The following ANKRD36 variants were observed in gnomAD, a reference collection of about 807,000 sequenced individuals.
ANKRD36 encodes the protein ankyrin repeat domain-containing protein 36A.
In ANKRD36, 179 loss-of-function variants were observed where a neutral mutation model predicts 278.1. That is an observed-to-expected ratio of 0.64 (90% CI 0.57 to 0.73). The LOEUF is 0.73. Among genes scored for constraint, ANKRD36 ranks in the 30% least tolerant of loss-of-function variants. ANKRD36 has a pLI of 0.00. For missense variants in ANKRD36, 1,159 were observed against 1,956.7 expected (o/e 0.59, Z 7.69); for synonymous variants, 320 against 641.1 (o/e 0.50, Z 7.57).
chr2:97,149,347 T>G lies in ANKRD36; in HGVS notation c.1087T>G (p.Ser363Ala), dbSNP rs201841591. 22 of 1,533,462 alleles carry G rather than the reference T, an allele frequency of 1.4e-5. No homozygotes were observed. The highest frequency in any genetic ancestry group is 4.9e-5 in the East Asian group (2 of 40,456). The allele number at this position is 1,533,462 out of a possible 1,614,324, so 95.0% of individuals were successfully genotyped here. The stretch of plus-strand genomic sequence containing the variant: ...ACAGCCTGTGACAGAGAATGAGTTT[T>G]CTTTGGAATCTGAGGTAGAGTACTC... ...VAQPVTENEF[S>A]LESEIISKLY... The change falls in exon 12 of 76, where the codon TCT becomes GCT. Residue 363 changes from serine to alanine, a missense_variant. Coordinates refer to ENST00000420699, the MANE Select transcript of ANKRD36 (RefSeq NM_001354587.1).
chr2:97,216,322 C>T (rs1157462892), intron 62 of ANKRD36, among the ~76,000 whole-genome samples: 1 of 151,828 alleles, frequency 6.6e-6, no homozygotes, highest in African/African-American at 2.4e-5. Context: ...ATACTCCCAA[C>T]AAGACTATTA....
rs541487470 is a variant in ANKRD36 at position 97,207,431 on chromosome 2, C to T, written c.3164-380C>T. ...TAATGGTGTAAATCCTTTTTATTTC[C>T]TGCATGAAAGACATGTGGGATCATG... On this transcript the variant is annotated intron_variant, in intron 52 of 75. Transcript: ENST00000420699. Among the ~76,000 whole-genome samples, 651 of 151,012 alleles carry T rather than the reference C, an allele frequency of 4.3e-3. 6 individuals carry two copies. The highest frequency in any genetic ancestry group is 0.015 in the African/African-American group (617 of 41,350).
At chr2:97,203,649 T>A (rs2062002818) in intron 48 of ANKRD36, among the ~76,000 whole-genome samples, 1 of 151,812 alleles carries the variant, frequency 6.6e-6, no homozygotes, top group Non-Finnish European at 1.5e-5. Flanking sequence ...AAGAGCATGA[T>A]GAATGTTTGT....
chr2:97,177,575 G>C (rs1033614535), intron 22 of ANKRD36, among the ~76,000 whole-genome samples: 1 of 151,914 alleles, frequency 6.6e-6, no homozygotes, highest in Non-Finnish European at 1.5e-5. Context: ...CAAGCAATGG[G>C]GAAAGGATTC....
intron 16 of ANKRD36, among the ~76,000 whole-genome samples, 173 bp from the exon 17 acceptor site, chr2:97,158,415 T>C (rs1488304893): frequency 6.6e-6 from 1 of 151,972 alleles, no homozygotes; most frequent in Admixed American, 6.6e-5. Flanking sequence ...TTGGTAGAGA[T>C]GGAGTTTCAC....
intron 40 of ANKRD36, among the ~76,000 whole-genome samples, chr2:97,195,775 A>T (rs2059588991): frequency 6.6e-6 from 1 of 151,958 alleles, no homozygotes. Flanking sequence ...TTGCATTCCA[A>T]TTAAGTCCTA....
chr2:97,156,654 TATTG>T (rs1388494078), intron 15 of ANKRD36, among the ~76,000 whole-genome samples: 8 of 137,998 alleles, frequency 5.8e-5, no homozygotes, highest in Non-Finnish European at 1.3e-4. Context: ...AAGTCTTTGC[TATTG>T]TGAATAGTGC....
intron 30 of ANKRD36, 45 bp from the exon 31 acceptor site, chr2:97,187,153 A>T (rs761031337): frequency 1.2e-6 from 2 of 1,607,124 alleles, no homozygotes; most frequent in Admixed American, 3.4e-5. Context: ...TGGAAAATGT[A>T]TCATATTTAC....
At chr2:97,195,487 A>G (rs1243291289) in intron 40 of ANKRD36, among the ~76,000 whole-genome samples, 3 of 152,012 alleles carry the variant, frequency 2.0e-5, no homozygotes, top group Admixed American at 6.6e-5. Context: ...TGCATAAACA[A>G]TATTTGATTT....
In ANKRD36 at chr2:97,217,234, T is replaced by G. The variant is rs569215566; in HGVS notation, c.3702+29T>G. On this transcript the variant is annotated intron_variant, in intron 63 of 75. Transcript: ENST00000420699. ...GTTACTCTTTCATTTATATTTTGAA[T>G]TATTTATTGCATAGCCTATGAAATA... 8.7e-5 allele frequency: 134 copies of G among 1,548,700 alleles called. 1 individual carries two copies. The African/African-American group carries it at 1.7e-3, about 20-fold the overall frequency.
intron 28 of ANKRD36, 110 bp downstream of exon 28, chr2:97,183,764 A>G: frequency 7.2e-7 from 1 of 1,379,754 alleles, no homozygotes; most frequent in African/African-American, 1.5e-5. Flanking sequence ...CTGATTCAGC[A>G]GGCCTGAGAT....
rs765953156 is a variant in ANKRD36, at chr2:97,196,626, T to C, written c.2580+5T>C. On this transcript the variant is annotated splice_donor_5th_base_variant and intron_variant, in intron 41 of 75. Transcript: ENST00000420699. ...CAGAAACCACCAACCTTGAAGGTAA[T>C]GAAACTCCCATTTATCATGTGAACG... The C allele has an allele frequency of 2.5e-6, 4 of 1,604,430 alleles. No individual in the cohort carries two copies. Among genetic ancestry groups the C allele is most frequent in the Non-Finnish European group, 1.7e-6 (2 of 1,178,662 alleles).
At chr2:97,137,952 T>A (rs546634349) in intron 6 of ANKRD36, among the ~76,000 whole-genome samples, 1 of 152,210 alleles carries the variant, frequency 6.6e-6, no homozygotes, top group African/African-American at 2.4e-5. Context: ...TTTGATGAGA[T>A]CGTTTGTTTT....
At chr2:97,199,587 T>C (rs2060732442) in intron 44 of ANKRD36, among the ~76,000 whole-genome samples, 1 of 151,928 alleles carries the variant, frequency 6.6e-6, no homozygotes, top group African/African-American at 2.4e-5. Context: ...TAATATCTAA[T>C]GCTTGTAGCC....
chr2:97,205,450 TG>T (rs1305022186), intron 50 of ANKRD36, among the ~76,000 whole-genome samples: 7 of 151,464 alleles, frequency 4.6e-5, no homozygotes, highest in Admixed American at 1.3e-4. Flanking sequence ...AGATGTGAAG[TG>T]TAAGTTCAAC....
chr2:97,171,758 A>ACT (rs1455735849), intron 22 of ANKRD36, among the ~76,000 whole-genome samples: 2 of 151,820 alleles, frequency 1.3e-5, no homozygotes, highest in Non-Finnish European at 2.9e-5. Context: ...ACAAAAATTA[A>ACT]CTCAAGATAA....
At chr2:97,191,947 T>A (rs1325901876) in intron 36 of ANKRD36, among the ~76,000 whole-genome samples, 1 of 151,696 alleles carries the variant, frequency 6.6e-6, no homozygotes, top group Non-Finnish European at 1.5e-5. Context: ...GAGCTACCTC[T>A]TGGATAAAAT....
intron 17 of ANKRD36, 112 bp downstream of exon 17, chr2:97,158,767 A>G (rs1333440952): frequency 5.1e-5 from 57 of 1,128,014 alleles, no homozygotes; most frequent in South Asian, 4.6e-4. Context: ...AAATTGTTTT[A>G]TTTGGAAAAT....
At chr2:97,129,322 GT>G (rs1413473272) in intron 6 of ANKRD36, among the ~76,000 whole-genome samples, 2 of 151,896 alleles carry the variant, frequency 1.3e-5, no homozygotes, top group African/African-American at 4.8e-5. Context: ...GGGGTTGTTT[GT>G]TTTTTTCTTG....
Sources: gnomAD v4.1 joint callset for allele counts (sites outside exome capture counted in the v4.1 genomes callset) on GRCh38, gnomAD v4.1.1 for gene constraint, MANE v1.5 for transcripts, NCBI Gene and HGNC (gene_info 2026-07-23, HGNC 2026-07-21) for gene names.